The following GTF2H1 variants were observed in gnomAD, a reference collection of about 807,000 sequenced individuals.
GTF2H1 encodes the protein BTF2 p62.
GTF2H1 carries 16 observed loss-of-function variants against 71.2 expected under a neutral mutation model. The observed-to-expected ratio is 0.22, with a 90% CI of 0.15 to 0.34. The LOEUF (loss-of-function observed/expected upper bound fraction) is 0.34, where lower values mean the gene tolerates loss of function less well. Ranked by LOEUF, GTF2H1 falls within the 10% of genes least tolerant of loss-of-function variation. The pLI, the probability that GTF2H1 is intolerant of heterozygous loss-of-function variation, is 1.00. For missense variants in GTF2H1, 498 were observed against 648.2 expected (o/e 0.77, Z 2.52); for synonymous variants, 215 against 219.0 (o/e 0.98, Z 0.16).
At chr11:18,347,327 G>T (rs761266384) in intron 7 of GTF2H1, 3 of 253,616 alleles carry the variant, frequency 1.2e-5, no homozygotes, top group Non-Finnish European at 2.2e-5. Flanking sequence ...TCCAGCCTGA[G>T]CAACAGAGCG....
At chr11:18,348,051 G>A in intron 9 of GTF2H1, 132 bp downstream of exon 9, 1 of 731,766 alleles carries the variant, frequency 1.4e-6, no homozygotes, top group Non-Finnish European at 2.5e-6. Flanking sequence ...TTGGCTTAAA[G>A]TGTATAGCAT....
At position 18,359,046 on chromosome 11, in the gene GTF2H1, A is replaced by G. The variant is rs76199043; in HGVS notation, c.1467+406A>G. Among the ~76,000 whole-genome samples, 1,426 of 152,364 alleles carry G rather than the reference A, an allele frequency of 9.4e-3. 13 individuals are homozygous for G. Among genetic ancestry groups the G allele is most frequent in the African/African-American group, 0.033 (1,371 of 41,572 alleles). On this transcript the variant is annotated intron_variant, in intron 13 of 14. Transcript: ENST00000265963. ...AAACCGCTTTAACCAATTAAAGGACAGTTGACAAATGAAAAATGTAACATT... is the reference window on the plus strand; with the variant it reads ...AAACCGCTTTAACCAATTAAAGGACGGTTGACAAATGAAAAATGTAACATT...
Position 18,341,344 on chromosome 11 carries a change from C to G in GTF2H1, c.691C>G (p.His231Asp). 6.2e-7 allele frequency: 1 copy of G among 1,613,870 alleles called. No homozygotes were observed. Among genetic ancestry groups the G allele is most frequent in the African/African-American group, 1.3e-5 (1 of 75,024 alleles). Residue 231 changes from histidine to aspartate, a missense_variant, in exon 6 of 15, where the codon CAC (histidine) becomes GAC (aspartate). Physicochemically the swap from His to Asp is moderately conservative, Grantham distance 81. Around this residue, in one of 3 missense-constraint regions of GTF2H1, gnomAD observed 216 missense variants for 306.2 expected, o/e 0.71. Transcript: ENST00000265963. ...WTRFFQSHYF[H>D]RDRLNTGSKD... Reference sequence around the variant, plus strand: ...ACGTTTTTTCCAGTCCCATTATTTTCACAGGGATCGGCTGAATACAGGGTC... The same window carrying G: ...ACGTTTTTTCCAGTCCCATTATTTTGACAGGGATCGGCTGAATACAGGGTC...
intron 5 of GTF2H1, among the ~76,000 whole-genome samples, chr11:18,340,043 A>G (rs1341680382): frequency 2.0e-5 from 3 of 152,166 alleles, no homozygotes. Flanking sequence ...CTTCTGACTA[A>G]GCAGTACTCT....
chr11:18,346,478 C>G (rs1207450337), intron 7 of GTF2H1, among the ~76,000 whole-genome samples: 4 of 152,168 alleles, frequency 2.6e-5, no homozygotes, highest in African/African-American at 9.7e-5. Context: ...CTCTCCAGCC[C>G]AGCTTCCCAC....
chr11:18,335,318 A>G (rs1020446778), intron 2 of GTF2H1, among the ~76,000 whole-genome samples: 1 of 152,226 alleles, frequency 6.6e-6, no homozygotes, highest in South Asian at 2.1e-4. Context: ...ATAAAATTAC[A>G]TATTTCCCTT....
At chr11:18,336,796 C>G (rs577879103) in intron 3 of GTF2H1, among the ~76,000 whole-genome samples, 4 of 151,410 alleles carry the variant, frequency 2.6e-5, no homozygotes, top group Admixed American at 2.6e-4. Context: ...GCTCTGTTGC[C>G]CAGGCTGGAG....
intron 14 of GTF2H1, among the ~76,000 whole-genome samples, chr11:18,363,220 T>G (rs1263771497): frequency 6.6e-6 from 1 of 152,148 alleles, no homozygotes; most frequent in South Asian, 2.1e-4. Flanking sequence ...GTTAACTTTT[T>G]TATATATATA....
intron 11 of GTF2H1, among the ~76,000 whole-genome samples, chr11:18,353,560 A>G (rs547039048): frequency 4.5e-4 from 69 of 152,324 alleles, no homozygotes; most frequent in South Asian, 1.0e-3. Flanking sequence ...CCAAGGAACT[A>G]ATAATTACTC....
At chr11:18,342,813 T>C (rs1381254135) in intron 7 of GTF2H1, among the ~76,000 whole-genome samples, 1 of 152,254 alleles carries the variant, frequency 6.6e-6, no homozygotes, top group Non-Finnish European at 1.5e-5. Context: ...TATCAATAGC[T>C]GTATAAACCA....
chr11:18,335,150 T>C (rs1864994234), intron 2 of GTF2H1, among the ~76,000 whole-genome samples: 1 of 152,202 alleles, frequency 6.6e-6, no homozygotes, highest in African/African-American at 2.4e-5. Flanking sequence ...GGCTTGAATA[T>C]ATTCAGCTTA....
chr11:18,351,842 G>A, intron 9 of GTF2H1, 39 bp from the exon 10 acceptor site: 1 of 1,068,784 alleles, frequency 9.4e-7, no homozygotes, highest in Non-Finnish European at 1.4e-6. Context: ...GTAAGAGAAA[G>A]TTGTGACAAA....
chr11:18,335,269 G>T (rs1440478227), intron 2 of GTF2H1, among the ~76,000 whole-genome samples: 3 of 152,138 alleles, frequency 2.0e-5, no homozygotes, highest in Non-Finnish European at 2.9e-5. Context: ...GGCTAAGTTT[G>T]ATAACTTTAT....
At chr11:18,338,444 T>G (rs939159361) in intron 4 of GTF2H1, among the ~76,000 whole-genome samples, 170 bp downstream of exon 4, 18 of 152,002 alleles carry the variant, frequency 1.2e-4, no homozygotes, top group Non-Finnish European at 2.2e-4. Flanking sequence ...TTATGTTTGT[T>G]TGTTTGTTTG....
chr11:18,344,576 A>G lies in GTF2H1; in HGVS notation c.837+2969A>G, dbSNP rs962594255. Among the ~76,000 whole-genome samples the G allele has an allele frequency of 6.1e-5, 9 of 146,748 alleles. No individual in the cohort carries two copies. The East Asian group carries it at 1.9e-3, about 30-fold the overall frequency. On this transcript the variant is annotated intron_variant, in intron 7 of 14. Transcript: ENST00000265963. Reference sequence around the variant, plus strand: ...AGAGGCTGCAGTGAGCTAAGATTGCACCACTGCACTCCTGCCTGAGTGACA... The same window carrying G: ...AGAGGCTGCAGTGAGCTAAGATTGCGCCACTGCACTCCTGCCTGAGTGACA...
At position 18,341,247 on chromosome 11, in the gene GTF2H1, G is replaced by T; in HGVS notation, c.608-14G>T. The T allele has an allele frequency of 1.2e-6, 2 of 1,600,094 alleles. No homozygotes were observed. Among genetic ancestry groups the T allele is most frequent in the Non-Finnish European group, 1.7e-6 (2 of 1,173,762 alleles). ...GAAATTCAGTATATAATATTTGTGG[G>T]TTTTTTTCCACAGTAAAAATGAAAT... On this transcript the variant is annotated splice_polypyrimidine_tract_variant and intron_variant, in intron 5 of 14. Transcript: ENST00000265963.
chr11:18,340,852 G>A (rs1305603436), intron 5 of GTF2H1, among the ~76,000 whole-genome samples: 1 of 152,136 alleles, frequency 6.6e-6, no homozygotes, highest in Non-Finnish European at 1.5e-5. Context: ...CTCTATGCTT[G>A]CTAGTGTGTA....
At position 18,366,972 on chromosome 11, in the gene GTF2H1, A is replaced by C. The variant is rs914225668; in HGVS notation, c.*1103A>C. On this transcript the variant is annotated 3_prime_UTR_variant, in exon 15 of 15. Coordinates refer to ENST00000265963, the MANE Select transcript of GTF2H1 (RefSeq NM_005316.4). Reference sequence around the variant, plus strand: ...TCCTGATGGGATCAACTTAATGTTTAAGACTTTAGATGTCTTGTATTAAAA... The same window carrying C: ...TCCTGATGGGATCAACTTAATGTTTCAGACTTTAGATGTCTTGTATTAAAA... 3 of 151,788 alleles carry C rather than the reference A, an allele frequency of 2.0e-5. No individual in the cohort carries two copies. The highest frequency in any genetic ancestry group is 4.4e-5 in the Non-Finnish European group (3 of 67,990). The allele number at this position is 151,788 out of a possible 1,614,324, so 9.4% of individuals were successfully genotyped here. A position where few individuals can be genotyped will look rare whatever the true frequency, so the allele number is the denominator to read the frequency against.
chr11:18,347,547 A>G (rs771903183), intron 7 of GTF2H1, 41 bp from the exon 8 acceptor site: 3 of 1,465,680 alleles, frequency 2.0e-6, no homozygotes, highest in Non-Finnish European at 2.7e-6. Context: ...TAAGAAAAGC[A>G]GAACCTTTTT....
Sources: allele counts gnomAD v4.1 joint callset (sites outside exome capture counted in the v4.1 genomes callset), GRCh38; gene constraint gnomAD v4.1.1; regional missense constraint gnomAD v4.1.1; transcripts MANE v1.5; gene names NCBI Gene and HGNC (gene_info 2026-07-23, HGNC 2026-07-21).